Variants in SMG1 observed in about 807,000 individuals in gnomAD.
SMG1 encodes the protein serine/threonine-protein kinase SMG1.
In SMG1, 22 loss-of-function variants were observed where a neutral mutation model predicts 419.9. The observed-to-expected ratio is 0.05, with a 90% confidence interval of 0.04 to 0.07. The LOEUF (loss-of-function observed/expected upper bound fraction) is 0.07, where lower values mean the gene tolerates loss of function less well. Among genes scored for constraint, SMG1 ranks in the 10% least tolerant of loss-of-function variants. SMG1 has a pLI of 1.00. For synonymous variants in SMG1, 1,538 were observed against 1,553.5 expected, an observed-to-expected ratio of 0.99 and a Z score of 0.23; for missense variants, 3,185 against 4,342.0, an observed-to-expected ratio of 0.73 and a Z score of 7.49.
At chr16:18,879,414 C>G in intron 11 of SMG1, 81 bp downstream of exon 11, 2 of 1,311,114 alleles carry the variant, frequency 1.5e-6, no homozygotes, top group Non-Finnish European at 2.1e-6. Flanking sequence ...CATGCCCAGA[C>G]AAAGCCCTTA....
intron 1 of SMG1, among the ~76,000 whole-genome samples, chr16:18,913,236 C>G (rs2141977527): frequency 6.6e-6 from 1 of 152,226 alleles, no homozygotes; most frequent in East Asian, 1.9e-4. Context: ...TAAGTGTTAA[C>G]ACTTCAGACA....
rs1019374525 is a variant in SMG1, at chr16:18,807,396, T to A, written c.*2173A>T. 2.4e-4 allele frequency: 36 copies of A among 152,202 alleles called. No homozygotes were observed. Among genetic ancestry groups the A allele is most frequent in the African/African-American group, 8.4e-4 (35 of 41,446 alleles). The allele number at this position is 152,202 out of a possible 1,614,324, so 9.4% of individuals were successfully genotyped here. ...AAATAAAGCAGTGTGCAAAATACAA[T>A]ATGGCATTATTATTCCAGCTAGGTT... On this transcript the variant is annotated 3_prime_UTR_variant, in exon 63 of 63. Coordinates refer to ENST00000446231, the MANE Select transcript of SMG1 (RefSeq NM_015092.5).
intron 33 of SMG1, among the ~76,000 whole-genome samples, chr16:18,851,599 C>T (rs2034599434): frequency 6.6e-6 from 1 of 152,212 alleles, no homozygotes; most frequent in African/African-American, 2.4e-5. Context: ...CTCACTCTGT[C>T]ACCCAGACTG....
Position 18,815,588 on chromosome 16 carries a change from A to G in SMG1, c.10366T>C (p.Leu3456=). The G allele has an allele frequency of 6.2e-7, 1 of 1,613,996 alleles. No homozygotes were observed. The highest frequency in any genetic ancestry group is 8.5e-7 in the Non-Finnish European group (1 of 1,179,890). ...TCTTGCCATGATTTATATTCACCCA[A>G]AAACTGCCTAACACTGTTCTCATAG... ...VPYENSVRQF[L]GEYKSWQDNI... The change falls in exon 59 of 63, where the codon TTG becomes CTG. Residue 3456 remains leucine (L), a synonymous_variant. Coordinates refer to ENST00000446231, the MANE Select transcript of SMG1 (RefSeq NM_015092.5).
Position 18,827,519 on chromosome 16 carries a change from C to A in SMG1, c.9741+512G>T, listed in dbSNP as rs376761660. On this transcript the variant is annotated intron_variant, in intron 55 of 62. Coordinates refer to ENST00000446231, the MANE Select transcript of SMG1 (RefSeq NM_015092.5). ...TACCAAAATATATATTTTTATATAT[C>A]TTTGGTATAAATATACCAAAATATA... is the stretch of plus-strand genomic sequence containing the variant. Among the ~76,000 whole-genome samples, 372 of 124,554 alleles carry A rather than the reference C, an allele frequency of 3.0e-3. 3 individuals carry two copies. The highest frequency in any genetic ancestry group is 0.011 in the African/African-American group (352 of 32,224). 81.7% of individuals were successfully genotyped at this position (124,554 alleles called of 152,430 possible).
At chr16:18,896,428 A>G in intron 2 of SMG1, among the ~76,000 whole-genome samples, 1 of 152,194 alleles carries the variant, frequency 6.6e-6, no homozygotes. Context: ...GAAAATAAGC[A>G]AAGAAATGAA....
At chr16:18,922,814 T>C (rs2038247092) in intron 1 of SMG1, among the ~76,000 whole-genome samples, 4 of 151,878 alleles carry the variant, frequency 2.6e-5, no homozygotes, top group African/African-American at 9.7e-5. Context: ...GTGCGGTGGC[T>C]CACACCTGTA....
intron 22 of SMG1, among the ~76,000 whole-genome samples, chr16:18,867,785 T>C (rs1052592677): frequency 2.2e-5 from 3 of 139,342 alleles, no homozygotes; most frequent in African/African-American, 7.9e-5. Flanking sequence ...CTCGGTTCAC[T>C]GCAAGCTCCG....
At chr16:18,828,893 G>T (rs942053924) in intron 54 of SMG1, among the ~76,000 whole-genome samples, 2 of 152,086 alleles carry the variant, frequency 1.3e-5, no homozygotes, top group Non-Finnish European at 2.9e-5. Flanking sequence ...AGCTACTAGG[G>T]AGGCTGAGGA....
chr16:18,842,367 T>C lies in SMG1; in HGVS notation c.6307A>G (p.Thr2103Ala). ...CCAGGAAGAGCAATTTCAGTGTTAG[T>C]CATGGCAGCCAACCATGGACTGATT... ...EEISPWLAAMTNTEIALPGEV... is the reference protein window; with the variant it reads ...EEISPWLAAMANTEIALPGEV... Residue 2103 changes from threonine to alanine, a missense_variant, in exon 40 of 63, where the codon ACT becomes GCT. By Grantham distance (58) the Thr-to-Ala change is moderately conservative. Transcript: ENST00000446231. 6.2e-7 allele frequency: 1 copy of C among 1,614,034 alleles called. No individual in the cohort carries two copies. Among genetic ancestry groups the C allele is most frequent in the Non-Finnish European group, 8.5e-7 (1 of 1,179,890 alleles).
chr16:18,887,778 A>ACCCT (rs2036694387), intron 6 of SMG1, among the ~76,000 whole-genome samples: 1 of 62,828 alleles, frequency 1.6e-5, no homozygotes, highest in African/African-American at 4.7e-5. Flanking sequence ...AAAAAAAAAA[A>ACCCT]AAAAAAAAAA....
Position 18,835,115 on chromosome 16 carries a change from T to C in SMG1, c.8107A>G (p.Ile2703Val). The change falls in exon 49 of 63, where the codon ATC (isoleucine) becomes GTC (valine). Residue 2703 changes from isoleucine (I) to valine (V), a missense_variant. This residue lies in a region of SMG1 where 412 missense variants were observed against 546.6 expected (regional missense o/e 0.75). Coordinates refer to ENST00000446231, the MANE Select transcript of SMG1 (RefSeq NM_015092.5). ...PQPPPTVCQF[I>V]TATEMTLQRY... The stretch of plus-strand genomic sequence containing the variant: ...TGCAGGGTCATTTCAGTGGCAGTGA[T>C]GAACTGACACACTGTTGGGGGTGGC... 5.6e-6 allele frequency: 9 copies of C among 1,613,910 alleles called. No individual in the cohort carries two copies. The highest frequency in any genetic ancestry group is 7.6e-6 in the Non-Finnish European group (9 of 1,179,784).
intron 51 of SMG1, 30 bp from the exon 52 acceptor site, chr16:18,830,399 T>A (rs1414226212): frequency 1.2e-6 from 2 of 1,611,778 alleles, no homozygotes; most frequent in Admixed American, 3.3e-5. Context: ...GTTAAAACCT[T>A]CGCTGAAAAG....
intron 50 of SMG1, 32 bp from the exon 51 acceptor site, chr16:18,833,198 T>C: frequency 6.4e-7 from 1 of 1,564,328 alleles, no homozygotes. Flanking sequence ...ACTTTTAATG[T>C]TTTTTGAGTT....
At position 18,839,699 on chromosome 16, in the gene SMG1, T is replaced by C. The variant is rs2033801519; in HGVS notation, c.6944A>G (p.Gln2315Arg). 2.5e-6 allele frequency: 4 copies of C among 1,613,892 alleles called. No individual in the cohort carries two copies. The highest frequency in any genetic ancestry group is 3.3e-5 in the Admixed American group (2 of 59,990). ...TATAGTCTAAAACAAAGCACATACCTGCGTAACTCTCCACCATTCATCAGG... is the reference window on the plus strand; with the variant it reads ...TATAGTCTAAAACAAAGCACATACCCGCGTAACTCTCCACCATTCATCAGG... Reference protein sequence around the residue: ...TTPDEWWRVTQSYARSTAVMS... With the variant: ...TTPDEWWRVTRSYARSTAVMS... Residue 2315 changes from glutamine to arginine, a missense_variant and splice_region_variant, in exon 42 of 63, where the codon CAG (glutamine) becomes CGG (arginine). Gln to Arg is a conservative substitution (Grantham distance 43). Transcript: ENST00000446231.
At chr16:18,819,701 C>T in intron 55 of SMG1, 47 bp from the exon 56 acceptor site, 1 of 1,462,418 alleles carries the variant, frequency 6.8e-7, no homozygotes, top group Non-Finnish European at 9.1e-7. Flanking sequence ...ACATTCTCTA[C>T]TTCCTATTTG....
chr16:18,873,845 T>C (rs1345878707), intron 13 of SMG1, among the ~76,000 whole-genome samples: 1 of 152,200 alleles, frequency 6.6e-6, no homozygotes, highest in Non-Finnish European at 1.5e-5. Context: ...AGACACTCCA[T>C]TCCACCTGAC....
Position 18,926,026 on chromosome 16 carries a change from G to C in SMG1, c.16C>G (p.Pro6Ala). 6.3e-7 allele frequency: 1 copy of C among 1,576,322 alleles called. No homozygotes were observed. Among genetic ancestry groups the C allele is most frequent in the Non-Finnish European group, 8.6e-7 (1 of 1,169,116 alleles). Residue 6 changes from proline to alanine, a missense_variant, in exon 1 of 63, where the codon CCG becomes GCG. By Grantham distance (27) the Pro-to-Ala change is conservative (BLOSUM62 -1). Coordinates refer to ENST00000446231, the MANE Select transcript of SMG1 (RefSeq NM_015092.5). MSRRA[P>A]GSRLSSGGGG... Reference sequence around the variant, plus strand: ...CCGCCGCTGCTCAGCCGAGACCCCGGGGCTCTGCGGCTCATTACCTTCCCC... The same window carrying C: ...CCGCCGCTGCTCAGCCGAGACCCCGCGGCTCTGCGGCTCATTACCTTCCCC...
In SMG1 at chr16:18,842,463, A is replaced by G. The variant is rs770685783; in HGVS notation, c.6220-9T>C. On this transcript the variant is annotated splice_polypyrimidine_tract_variant and intron_variant, in intron 39 of 62. Transcript: ENST00000446231. ...TGCAAACTTAGCATTATCTATATTC[A>G]TAAGATGGGAGAAACAAATTTACAT... is the stretch of plus-strand genomic sequence containing the variant. 9.9e-6 allele frequency: 16 copies of G among 1,608,762 alleles called. No homozygotes were observed. The highest frequency in any genetic ancestry group is 1.7e-5 in the Admixed American group (1 of 59,826).
Sources: gnomAD v4.1 joint callset for allele counts (sites outside exome capture counted in the v4.1 genomes callset) on GRCh38, gnomAD v4.1.1 for gene constraint, gnomAD v4.1.1 regional missense constraint, MANE v1.5 for transcripts, NCBI Gene and HGNC (gene_info 2026-07-23, HGNC 2026-07-21) for gene names.